The following CFAP299 variants were observed in gnomAD, a reference collection of about 807,000 sequenced individuals.
CFAP299 encodes the protein cilia- and flagella-associated protein 299.
A neutral mutation model predicts 27.0 loss-of-function variants in CFAP299; 21 were observed. The ratio of observed to expected loss-of-function variants is 0.78; its 90% CI spans 0.55 to 1.12. The LOEUF (loss-of-function observed/expected upper bound fraction) is 1.12. Ranked by LOEUF, CFAP299 falls within the 50% of genes most tolerant of loss-of-function variation. The pLI is 0.00. For missense variants in CFAP299, 310 were observed against 276.6 expected (o/e 1.12, Z -0.86); for synonymous variants, 104 against 98.1 (o/e 1.06, Z -0.36).
intron 3 of CFAP299, among the ~76,000 whole-genome samples, chr4:80,763,698 T>C (rs1725673305): frequency 6.6e-6 from 1 of 152,134 alleles, no homozygotes; most frequent in Non-Finnish European, 1.5e-5. Context: ...CTAACTGACT[T>C]CAAACTATAC....
chr4:80,434,118 A>G (rs1421281771), intron 2 of CFAP299, among the ~76,000 whole-genome samples: 1 of 152,216 alleles, frequency 6.6e-6, no homozygotes, highest in Admixed American at 6.5e-5. Flanking sequence ...GATGTTAAAA[A>G]TATTCTATAA....
At chr4:80,910,751 TC>T (rs1312460538) in intron 4 of CFAP299, among the ~76,000 whole-genome samples, 2 of 151,894 alleles carry the variant, frequency 1.3e-5, no homozygotes, top group African/African-American at 4.8e-5. Context: ...TACAACAAAC[TC>T]CCGTGACATT....
intron 2 of CFAP299, among the ~76,000 whole-genome samples, chr4:80,447,120 TTTTTTTTTTG>T (rs1578453617): frequency 3.0e-4 from 6 of 20,106 alleles, no homozygotes; most frequent in East Asian, 1.9e-3. Context: ...TTTTTATTTG[TTTTTTTTTTG>T]TTTTTTTTTT....
intron 2 of CFAP299, among the ~76,000 whole-genome samples, chr4:80,422,116 AAG>A (rs1026603839): frequency 1.8e-4 from 27 of 152,274 alleles, no homozygotes; most frequent in African/African-American, 6.5e-4. Flanking sequence ...TAAGTACTAA[AAG>A]AGATTTAAAA....
chr4:80,909,441 TATG>T (rs1342448741), intron 4 of CFAP299, among the ~76,000 whole-genome samples: 1 of 152,064 alleles, frequency 6.6e-6, no homozygotes, highest in Non-Finnish European at 1.5e-5. Context: ...TCTAGTATCT[TATG>T]ATTATAAAAA....
At chr4:80,334,740 A>G (rs1722057080), upstream of CFAP299, among the ~76,000 whole-genome samples, 1 of 152,234 alleles carries the variant, frequency 6.6e-6, no homozygotes, top group Non-Finnish European at 1.5e-5. Context: ...TATTGTGTCT[A>G]TATCACTTAA....
chr4:80,926,259 G>A (rs1736300607), intron 4 of CFAP299, among the ~76,000 whole-genome samples: 2 of 152,162 alleles, frequency 1.3e-5, no homozygotes, highest in Middle Eastern at 3.4e-3. Context: ...ATGGCTTCCA[G>A]GTTTGGAGGA....
intron 3 of CFAP299, among the ~76,000 whole-genome samples, chr4:80,601,332 A>G (rs1025077470): frequency 6.6e-6 from 1 of 152,142 alleles, no homozygotes; most frequent in South Asian, 2.1e-4. Context: ...ATACTTCTTA[A>G]AATTTTTCAT....
At chr4:80,752,604 C>G (rs934476696) in intron 3 of CFAP299, among the ~76,000 whole-genome samples, 3 of 151,152 alleles carry the variant, frequency 2.0e-5, no homozygotes, top group Non-Finnish European at 4.4e-5. Flanking sequence ...TTGAAAATCT[C>G]AGTCTTATAG....
At chr4:80,446,910 A>G (rs1380450541) in intron 2 of CFAP299, among the ~76,000 whole-genome samples, 1 of 152,094 alleles carries the variant, frequency 6.6e-6, no homozygotes, top group Non-Finnish European at 1.5e-5. Context: ...CAGATTTGCA[A>G]AGGGTTTTGC....
intron 2 of CFAP299, among the ~76,000 whole-genome samples, chr4:80,403,794 C>T (rs1726281259): frequency 6.6e-6 from 1 of 152,138 alleles, no homozygotes; most frequent in Non-Finnish European, 1.5e-5. Flanking sequence ...CGAGCAAATA[C>T]CTTTTCTCTT....
At chr4:80,531,334 C>T (rs539995346) in intron 2 of CFAP299, among the ~76,000 whole-genome samples, 10 of 152,178 alleles carry the variant, frequency 6.6e-5, no homozygotes, top group African/African-American at 1.9e-4. Context: ...TTTCTTTATA[C>T]ATTTTGTGTT....
intron 3 of CFAP299, among the ~76,000 whole-genome samples, chr4:80,837,371 G>T (rs1024347534): frequency 1.3e-5 from 2 of 152,100 alleles, no homozygotes; most frequent in African/African-American, 4.8e-5. Context: ...GTGCCATGGT[G>T]GTTTGCTGCA....
intron 2 of CFAP299, among the ~76,000 whole-genome samples, chr4:80,457,839 A>C (rs1254347718): frequency 1.3e-5 from 2 of 152,124 alleles, no homozygotes; most frequent in Non-Finnish European, 2.9e-5. Context: ...CTACTTATTT[A>C]TCCATGTTTT....
chr4:80,427,091 C>T (rs892029322), intron 2 of CFAP299, among the ~76,000 whole-genome samples: 10 of 151,956 alleles, frequency 6.6e-5, no homozygotes, highest in South Asian at 2.1e-4. Context: ...TTGAGGAAAA[C>T]GGGATATCAC....
At chr4:80,883,776 A>T (rs748662397) in intron 4 of CFAP299, among the ~76,000 whole-genome samples, 3 of 152,196 alleles carry the variant, frequency 2.0e-5, no homozygotes, top group Non-Finnish European at 2.9e-5. Flanking sequence ...ATATGAACCA[A>T]ATATCAACAG....
chr4:80,587,300 C>A (rs1186609413), intron 3 of CFAP299, among the ~76,000 whole-genome samples: 1 of 152,000 alleles, frequency 6.6e-6, no homozygotes, highest in Non-Finnish European at 1.5e-5. Flanking sequence ...ATTTATTTCA[C>A]CAGAAAAACT....
At chr4:80,904,080 C>A (rs978821691) in intron 4 of CFAP299, among the ~76,000 whole-genome samples, 8 of 152,068 alleles carry the variant, frequency 5.3e-5, no homozygotes, top group Non-Finnish European at 7.4e-5. Flanking sequence ...GTGCAATTAG[C>A]TGATTATCTA....
At chr4:80,761,778 A>G (rs185373014) in intron 3 of CFAP299, among the ~76,000 whole-genome samples, 72 of 152,212 alleles carry the variant, frequency 4.7e-4, no homozygotes, top group Non-Finnish European at 9.4e-4. Flanking sequence ...CTCCAATCAG[A>G]TTTCTCATGG....
Sources: allele counts gnomAD v4.1 joint callset (sites outside exome capture counted in the v4.1 genomes callset), GRCh38; gene constraint gnomAD v4.1.1; transcripts MANE v1.5; gene names NCBI Gene and HGNC (gene_info 2026-07-23, HGNC 2026-07-21).